The following ZAP70 variants were observed in gnomAD, a reference collection of about 807,000 sequenced individuals.
The protein encoded by ZAP70 is tyrosine-protein kinase ZAP-70.
Under a neutral mutation model 65.8 loss-of-function variants are expected in ZAP70, and 27 were observed. The observed-to-expected ratio is 0.41, with a 90% confidence interval of 0.30 to 0.57. The LOEUF (loss-of-function observed/expected upper bound fraction) is 0.57, where lower values mean the gene tolerates loss of function less well. Among genes scored for constraint, ZAP70 ranks in the 20% least tolerant of loss-of-function variants. ZAP70 has a pLI of 0.28. For missense variants in ZAP70, 696 were observed against 870.5 expected (o/e 0.80, Z 2.52); for synonymous variants, 363 against 360.8 (o/e 1.01, Z -0.07).
In ZAP70 at chr2:97,739,389, C is replaced by T. The variant is rs201469439; in HGVS notation, c.1751C>T (p.Pro584Leu). 5.1e-5 allele frequency: 82 copies of T among 1,613,420 alleles called. No homozygotes were observed. The highest frequency in any genetic ancestry group is 6.4e-5 in the Non-Finnish European group (75 of 1,179,912). Residue 584 changes from proline to leucine, a missense_variant, in exon 14 of 14, where the codon CCC (proline) becomes CTC (leucine). Physicochemically the swap from Pro to Leu is moderately conservative, Grantham distance 98. This residue lies in a region of ZAP70 where 78 missense variants were observed against 88.6 expected (regional missense o/e 0.88). Coordinates refer to ENST00000264972, the MANE Select transcript of ZAP70 (RefSeq NM_001079.4). ...ACGCCCCACAGGTGGGAGGATCGCC[C>T]CGACTTCCTGACCGTGGAGCAGCGC... ...DCWIYKWEDR[P>L]DFLTVEQRMR...
At chr2:97,722,725 T>A (rs1307237478) in intron 2 of ZAP70, among the ~76,000 whole-genome samples, 1 of 152,276 alleles carries the variant, frequency 6.6e-6, no homozygotes, top group Non-Finnish European at 1.5e-5. Flanking sequence ...AGTGTTTTCG[T>A]TGACTTTATA....
rs931423259 is a variant in ZAP70 at position 97,736,950 on chromosome 2, C to T, written c.1290-523C>T. ...AGACAGGAGGGAGCGAGGGCCTGGG[C>T]GGAGCTGACTATTCCTGCCTGGGGG... On this transcript the variant is annotated intron_variant, in intron 10 of 13. Transcript: ENST00000264972. The surrounding 1 kb of genome is among the most constrained non-coding windows in gnomAD (Gnocchi z 4.0). Among the ~76,000 whole-genome samples, 2 of 151,826 alleles carry T rather than the reference C, an allele frequency of 1.3e-5. No individual in the cohort carries two copies. Among genetic ancestry groups the T allele is most frequent in the Non-Finnish European group, 2.9e-5 (2 of 67,956 alleles).
chr2:97,725,973 G>A (rs1041134357), intron 4 of ZAP70, among the ~76,000 whole-genome samples: 7 of 152,242 alleles, frequency 4.6e-5, no homozygotes, highest in East Asian at 3.9e-4. Context: ...GCAGGGCGGG[G>A]ACTTTAGCTT....
At chr2:97,719,681 C>G (rs1677087798) in intron 2 of ZAP70, among the ~76,000 whole-genome samples, 1 of 152,088 alleles carries the variant, frequency 6.6e-6, no homozygotes, top group Admixed American at 6.6e-5. Context: ...GTGTCTGTAT[C>G]TTCCAGTTCC....
the ZAP70 span, among the ~76,000 whole-genome samples, chr2:97,749,634 G>A: frequency 6.6e-6 from 1 of 152,226 alleles, no homozygotes; most frequent in East Asian, 1.9e-4. Context: ...TGCCTTAACT[G>A]GAAAAGGAGG....
chr2:97,755,870 A>C, the ZAP70 span, among the ~76,000 whole-genome samples: 1 of 152,176 alleles, frequency 6.6e-6, no homozygotes, highest in Non-Finnish European at 1.5e-5. Flanking sequence ...TGTTCCTGAG[A>C]ATGGTGACTG....
chr2:97,730,002 G>A (rs768941083), intron 4 of ZAP70, among the ~76,000 whole-genome samples: 7 of 151,720 alleles, frequency 4.6e-5, no homozygotes, highest in African/African-American at 9.7e-5. Flanking sequence ...TGAGGCAGGC[G>A]GATCGTCTAA....
downstream of ZAP70, among the ~76,000 whole-genome samples, chr2:97,742,378 C>T (rs1048517723): frequency 1.2e-4 from 18 of 152,374 alleles, no homozygotes; most frequent in Middle Eastern, 3.4e-3. Context: ...TTCAGATGTG[C>T]GCCAGCTTGA....
At chr2:97,719,196 T>C (rs574210071) in intron 2 of ZAP70, among the ~76,000 whole-genome samples, 1 of 151,844 alleles carries the variant, frequency 6.6e-6, no homozygotes, top group African/African-American at 2.4e-5. Context: ...GGATCTTAGG[T>C]TGGTTGTATT....
intron 2 of ZAP70, among the ~76,000 whole-genome samples, chr2:97,714,370 T>G (rs1263879535): frequency 1.3e-5 from 2 of 152,142 alleles, no homozygotes; most frequent in African/African-American, 4.8e-5. Context: ...GGCCGTGAGC[T>G]CCATCAGCAG....
the ZAP70 span, among the ~76,000 whole-genome samples, chr2:97,753,537 T>C: frequency 6.6e-6 from 1 of 152,214 alleles, no homozygotes; most frequent in African/African-American, 2.4e-5. Flanking sequence ...GCTAAAACAG[T>C]CTTTTAAATG....
At chr2:97,741,137 C>A (rs541406834), downstream of ZAP70, among the ~76,000 whole-genome samples, 2 of 152,200 alleles carry the variant, frequency 1.3e-5, no homozygotes, top group South Asian at 2.1e-4. Flanking sequence ...GATCTAGGAG[C>A]CTAGGAAGGC....
the ZAP70 span, among the ~76,000 whole-genome samples, chr2:97,745,095 G>A: frequency 6.6e-6 from 1 of 152,212 alleles, no homozygotes; most frequent in Non-Finnish European, 1.5e-5. Context: ...CTGGACTGCA[G>A]TGGTGCAATC....
intron 4 of ZAP70, among the ~76,000 whole-genome samples, chr2:97,730,213 G>C (rs980659388): frequency 6.6e-6 from 1 of 152,194 alleles, no homozygotes; most frequent in African/African-American, 2.4e-5. Context: ...GGCAACAAGA[G>C]CAAAACTCTG....
rs200348949 is a variant in ZAP70, at chr2:97,737,647, C to A, written c.1464C>A (p.Ala488=). The change falls in exon 11 of 14, where the codon GCC becomes GCA. Residue 488 remains alanine (A), a synonymous_variant. Coordinates refer to ENST00000264972, the MANE Select transcript of ZAP70 (RefSeq NM_001079.4). The surrounding 1 kb of genome is among the most constrained non-coding windows in gnomAD (Gnocchi z 5.0). ...SDFGLSKALG[A]DDSYYTARSA... ...TTGGCCTCTCCAAAGCACTGGGTGC[C>A]GACGACAGCTACTACACTGTAAGCC... 22 of 1,613,912 alleles carry A rather than the reference C, an allele frequency of 1.4e-5. No individual in the cohort carries two copies. The South Asian group carries it at 2.4e-4, about 18-fold the overall frequency.
intron 3 of ZAP70, 58 bp downstream of exon 3, chr2:97,724,496 G>A (rs770900178): frequency 2.3e-5 from 34 of 1,505,792 alleles, no homozygotes; most frequent in Non-Finnish European, 2.7e-5. Context: ...AGGGGCAGTC[G>A]AGGGTTTTGG....
downstream of ZAP70, among the ~76,000 whole-genome samples, chr2:97,741,620 T>G (rs1010515041): frequency 2.0e-5 from 3 of 152,192 alleles, no homozygotes; most frequent in Non-Finnish European, 4.4e-5. Flanking sequence ...AGGGACGCAG[T>G]TTCTGATCAC....
intron 4 of ZAP70, among the ~76,000 whole-genome samples, chr2:97,729,374 A>G (rs1677513138): frequency 6.6e-6 from 1 of 152,206 alleles, no homozygotes; most frequent in African/African-American, 2.4e-5. Flanking sequence ...ATGCATTTGA[A>G]TCCTGGCTCC....
chr2:97,737,903 C>T lies in ZAP70; in HGVS notation c.1623+6C>T, dbSNP rs769247123. ...ACGGCCAGAAGCCCTACAAGGCAGGCGCGGGCAGAGGCAGGTGGGCGGTGT... is the reference window on the plus strand; with the variant it reads ...ACGGCCAGAAGCCCTACAAGGCAGGTGCGGGCAGAGGCAGGTGGGCGGTGT... On this transcript the variant is annotated splice_donor_region_variant and intron_variant, in intron 12 of 13. Transcript: ENST00000264972. The surrounding 1 kb of genome is among the most constrained non-coding windows in gnomAD (Gnocchi z 5.0). The T allele has an allele frequency of 8.1e-6, 13 of 1,613,954 alleles. No homozygotes were observed. Among genetic ancestry groups the T allele is most frequent in the African/African-American group, 5.3e-5 (4 of 74,904 alleles).
Sources: gnomAD v4.1 joint callset for allele counts (sites outside exome capture counted in the v4.1 genomes callset) on GRCh38, gnomAD v4.1.1 for gene constraint, gnomAD v4.1.1 regional missense constraint, Gnocchi (gnomAD v3.1) non-coding constraint, MANE v1.5 for transcripts, NCBI Gene and HGNC (gene_info 2026-07-23, HGNC 2026-07-21) for gene names.